The following ACCSL variants were observed in gnomAD, a reference collection of about 807,000 sequenced individuals.
ACCSL encodes 1-aminocyclopropane-1-carboxylate synthase homolog (inactive) like.
In ACCSL, 55 loss-of-function variants were observed where a neutral mutation model predicts 61.7. That is an observed-to-expected ratio of 0.89 (90% CI 0.72 to 1.12). The LOEUF (loss-of-function observed/expected upper bound fraction) is 1.12, where lower values mean the gene tolerates loss of function less well. ACCSL is among the 50% of genes most tolerant of loss of function. ACCSL has a pLI of 0.00. For missense variants in ACCSL, 632 were observed against 698.0 expected, an observed-to-expected ratio of 0.91 and a Z score of 1.07; for synonymous variants, 258 against 264.3, an observed-to-expected ratio of 0.98 and a Z score of 0.23.
chr11:43,933,066 C>T, the ACCSL span: 1 of 455,840 alleles, frequency 2.2e-6, no homozygotes, highest in South Asian at 1.5e-5. Flanking sequence ...CTGGCTCCAG[C>T]TGCCCTCTTC....
chr11:43,952,974 G>A, the ACCSL span, among the ~76,000 whole-genome samples: 1 of 152,196 alleles, frequency 6.6e-6, no homozygotes, highest in Non-Finnish European at 1.5e-5. Flanking sequence ...AGGAGGATCT[G>A]CCTGTTGCTA....
At chr11:43,928,795 A>G in the ACCSL span, among the ~76,000 whole-genome samples, 7 of 152,346 alleles carry the variant, frequency 4.6e-5, no homozygotes, top group Admixed American at 3.3e-4. Context: ...CTCTCGGGAA[A>G]GAGAGTTAGG....
At chr11:43,984,368 A>C in the ACCSL span, among the ~76,000 whole-genome samples, 1 of 152,204 alleles carries the variant, frequency 6.6e-6, no homozygotes, top group Non-Finnish European at 1.5e-5. Context: ...TGCTTTACTT[A>C]GACTTGTTTC....
the ACCSL span, among the ~76,000 whole-genome samples, chr11:44,002,104 G>T: frequency 2.0e-5 from 3 of 152,124 alleles, no homozygotes; most frequent in Non-Finnish European, 4.4e-5. Flanking sequence ...AAGGAGGGGG[G>T]AAGTGTTTGC....
the ACCSL span, among the ~76,000 whole-genome samples, chr11:43,941,642 A>G: frequency 6.6e-6 from 1 of 152,032 alleles, no homozygotes; most frequent in African/African-American, 2.4e-5. Flanking sequence ...CAGGGTACTC[A>G]CCCTCAGCAG....
chr11:43,984,849 A>G, the ACCSL span, among the ~76,000 whole-genome samples: 4 of 152,234 alleles, frequency 2.6e-5, no homozygotes, highest in Non-Finnish European at 4.4e-5. Flanking sequence ...AGCAGGTGGC[A>G]TGTGTCTGCT....
At chr11:43,979,349 A>G in the ACCSL span, among the ~76,000 whole-genome samples, 2 of 151,918 alleles carry the variant, frequency 1.3e-5, no homozygotes, top group Non-Finnish European at 2.9e-5. Context: ...AAAAAAACAA[A>G]AACAAAAAAC....
chr11:43,929,682 C>G, the ACCSL span, among the ~76,000 whole-genome samples: 1 of 152,218 alleles, frequency 6.6e-6, no homozygotes, highest in African/African-American at 2.4e-5. Context: ...GCTAGGATTA[C>G]AGGCATGAGC....
At chr11:44,029,060 T>G in the ACCSL span, among the ~76,000 whole-genome samples, 1 of 152,242 alleles carries the variant, frequency 6.6e-6, no homozygotes, top group Non-Finnish European at 1.5e-5. Flanking sequence ...CTGGGGCTAT[T>G]ATGATGTCCT....
chr11:43,967,151 AG>A, the ACCSL span, among the ~76,000 whole-genome samples: 3 of 109,796 alleles, frequency 2.7e-5, no homozygotes, highest in Admixed American at 1.0e-4. Context: ...CAGTTCTTCC[AG>A]TTCTTCTTCT....
chr11:43,924,818 A>C, the ACCSL span, among the ~76,000 whole-genome samples: 2 of 152,206 alleles, frequency 1.3e-5, no homozygotes, highest in Non-Finnish European at 2.9e-5. Context: ...CGGATTCTGC[A>C]ATCAGGGCTC....
intron 4 of ACCSL, 75 bp downstream of exon 4, chr11:44,051,479 G>C (rs924960022): frequency 1.3e-6 from 2 of 1,584,510 alleles, no homozygotes; most frequent in Admixed American, 1.7e-5. Flanking sequence ...CCCTTTCTAG[G>C]GGGTACAAGG....
the ACCSL span, among the ~76,000 whole-genome samples, chr11:44,014,310 A>G: frequency 5.3e-5 from 8 of 152,148 alleles, no homozygotes; most frequent in Non-Finnish European, 1.0e-4. Flanking sequence ...CTGTCATCTG[A>G]AAACTGGACT....
chr11:44,026,411 A>G, the ACCSL span, among the ~76,000 whole-genome samples: 2 of 152,076 alleles, frequency 1.3e-5, no homozygotes, highest in African/African-American at 4.8e-5. Context: ...GATATTCTCT[A>G]TTTGGTGAGA....
chr11:44,029,945 C>G, the ACCSL span, among the ~76,000 whole-genome samples: 1 of 150,280 alleles, frequency 6.7e-6, no homozygotes, highest in Non-Finnish European at 1.5e-5. Context: ...GTCAAACAGT[C>G]AAACCAGGGT....
chr11:44,026,725 T>C, the ACCSL span, among the ~76,000 whole-genome samples: 1 of 152,132 alleles, frequency 6.6e-6, no homozygotes, highest in Non-Finnish European at 1.5e-5. Flanking sequence ...TAGTGACTTA[T>C]CTAGACTAAT....
the ACCSL span, chr11:43,943,326 G>A: frequency 2.8e-6 from 4 of 1,428,348 alleles, no homozygotes; most frequent in East Asian, 9.0e-5. The surrounding 1 kb of genome is among the most constrained non-coding windows in gnomAD (Gnocchi z 4.8). Flanking sequence ...GCGGGGACCG[G>A]CGTGTGAACC....
At chr11:43,958,983 G>A in the ACCSL span, among the ~76,000 whole-genome samples, 1 of 152,156 alleles carries the variant, frequency 6.6e-6, no homozygotes, top group African/African-American at 2.4e-5. Flanking sequence ...ATGGCAGAAG[G>A]TAGAAGGGCA....
the ACCSL span, among the ~76,000 whole-genome samples, chr11:43,978,799 T>TG: frequency 6.8e-6 from 1 of 147,310 alleles, no homozygotes; most frequent in South Asian, 2.2e-4. Flanking sequence ...TTTTTTTTTT[T>TG]TTTTTTTTTT....
Sources: allele counts gnomAD v4.1 joint callset (sites outside exome capture counted in the v4.1 genomes callset), GRCh38; gene constraint gnomAD v4.1.1; non-coding constraint Gnocchi (gnomAD v3.1); transcripts MANE v1.5; gene names NCBI Gene and HGNC (gene_info 2026-07-23, HGNC 2026-07-21).